The following CYP2A13 variants were observed in gnomAD, a reference collection of about 807,000 sequenced individuals.
CYP2A13 encodes cytochrome P450 family 2 subfamily A member 13.
Under a neutral mutation model 39.4 loss-of-function variants are expected in CYP2A13, and 30 were observed. The ratio of observed to expected loss-of-function variants is 0.76; its 90% CI spans 0.57 to 1.03. The LOEUF (loss-of-function observed/expected upper bound fraction) is 1.03. Among genes scored for constraint, CYP2A13 ranks in the 50% least tolerant of loss-of-function variants. The probability of loss-of-function intolerance (pLI) is 0.00; values close to 1 mark genes in which losing one functional copy is unlikely to be tolerated. For synonymous variants in CYP2A13, 269 were observed against 254.7 expected (o/e 1.06, Z -0.54); for missense variants, 731 against 648.4 (o/e 1.13, Z -1.38).
At chr19:41,090,621 T>G (rs2031169435) in intron 4 of CYP2A13, 57 bp downstream of exon 4, 2 of 1,611,114 alleles carry the variant, frequency 1.2e-6, no homozygotes, top group Non-Finnish European at 1.7e-6. Context: ...ACTGCTCCCC[T>G]ACCTGGAGAC....
In CYP2A13 at chr19:41,094,225, A is replaced by G. The variant is rs2031250408; in HGVS notation, c.974-20A>G. 1 of 1,613,016 alleles carries G rather than the reference A, an allele frequency of 6.2e-7. No homozygotes were observed. The highest frequency in any genetic ancestry group is 1.7e-5 in the Admixed American group (1 of 59,910). On this transcript the variant is annotated intron_variant, in intron 6 of 8. Transcript: ENST00000330436. The stretch of plus-strand genomic sequence containing the variant: ...CTCTAAGACCCCTAGACACCTAAAC[A>G]CATTCCCCTCCTCCCCCAGCCAAGG...
Position 41,095,902 on chromosome 19 carries a change from G to T in CYP2A13, c.1446G>T (p.Thr482=). ...DVSPKHVGFA[T]IPRNYTMSFL... ...CCCCCAAACACGTGGGCTTTGCCAC[G>T]ATCCCACGAAACTACACCATGAGCT... is the stretch of plus-strand genomic sequence containing the variant. Residue 482 remains threonine, a synonymous_variant, in exon 9 of 9, where the codon ACG becomes ACT. Transcript: ENST00000330436. The T allele has an allele frequency of 6.2e-7, 1 of 1,613,638 alleles. No individual in the cohort carries two copies.
rs2144724682 is a variant in CYP2A13, at chr19:41,090,364, T to G, written c.494-40T>G. 5 of 1,613,100 alleles carry G rather than the reference T, an allele frequency of 3.1e-6. No homozygotes were observed. The South Asian group carries it at 3.3e-5, about 11-fold the overall frequency. Reference sequence around the variant, plus strand: ...TCTGACTCTCCTCAGACCTCTGAGTTGACTCTCTCCCCAACCCCCTTCTCC... The same window carrying G: ...TCTGACTCTCCTCAGACCTCTGAGTGGACTCTCTCCCCAACCCCCTTCTCC... On this transcript the variant is annotated intron_variant, in intron 3 of 8. Coordinates refer to ENST00000330436, the MANE Select transcript of CYP2A13 (RefSeq NM_000766.5).
In CYP2A13 at chr19:41,088,929, A is replaced by C. The variant is rs747659312; in HGVS notation, c.181A>C (p.Ile61Leu). ...AACCACTCCCACCTGCCTCCAACAG[A>C]TCAGTGAGCGCTATGGCCCTGTGTT... ...TEQMYNSLMKISERYGPVFTI... is the reference protein window; with the variant it reads ...TEQMYNSLMKLSERYGPVFTI... Residue 61 changes from isoleucine to leucine, a missense_variant and splice_region_variant, in exon 2 of 9, where the codon ATC (isoleucine) becomes CTC (leucine). Coordinates refer to ENST00000330436, the MANE Select transcript of CYP2A13 (RefSeq NM_000766.5). 6.2e-7 allele frequency: 1 copy of C among 1,613,946 alleles called. No individual in the cohort carries two copies. The highest frequency in any genetic ancestry group is 1.1e-5 in the South Asian group (1 of 91,062).
At chr19:41,091,563 C>T (rs189431203) in intron 4 of CYP2A13, among the ~76,000 whole-genome samples, 169 bp from the exon 5 acceptor site, 11 of 152,306 alleles carry the variant, frequency 7.2e-5, no homozygotes, top group South Asian at 2.1e-4. Flanking sequence ...ACCTAATCCA[C>T]GTGAAAACTT....
intron 7 of CYP2A13, among the ~76,000 whole-genome samples, chr19:41,094,721 A>T (rs1049949655): frequency 6.6e-5 from 10 of 151,980 alleles, no homozygotes; most frequent in African/African-American, 2.4e-4. Flanking sequence ...TTAGGGACAC[A>T]AATCTCAGGT....
At position 41,095,838 on chromosome 19, in the gene CYP2A13, G is replaced by T; in HGVS notation, c.1382G>T (p.Arg461Leu). The T allele has an allele frequency of 2.5e-6, 4 of 1,614,044 alleles. No individual in the cohort carries two copies. The South Asian group carries it at 4.4e-5, about 18-fold the overall frequency. The change falls in exon 9 of 9, where the codon CGC (arginine) becomes CTC (leucine). Residue 461 changes from arginine to leucine, a missense_variant. Physicochemically the swap from Arg to Leu is moderately radical, Grantham distance 102. Transcript: ENST00000330436. ...TTCACCACCATCATGCAGAACTTTC[G>T]CTTCAAGTCCCCTCAGTCGCCTAAG... ...LFFTTIMQNFRFKSPQSPKDI... is the reference protein window; with the variant it reads ...LFFTTIMQNFLFKSPQSPKDI...
intron 5 of CYP2A13, 149 bp from the exon 6 acceptor site, chr19:41,093,481 G>C (rs779143255): frequency 1.2e-6 from 1 of 856,034 alleles, no homozygotes; most frequent in Non-Finnish European, 1.8e-6. Flanking sequence ...CCAGGGCAAG[G>C]GCTGGAACCT....
In CYP2A13 at chr19:41,090,033, G is replaced by A; in HGVS notation, c.344-14G>A. The A allele has an allele frequency of 6.2e-7, 1 of 1,610,028 alleles. No homozygotes were observed. The highest frequency in any genetic ancestry group is 8.5e-7 in the Non-Finnish European group (1 of 1,178,630). On this transcript the variant is annotated splice_polypyrimidine_tract_variant and intron_variant, in intron 2 of 8. Coordinates refer to ENST00000330436, the MANE Select transcript of CYP2A13 (RefSeq NM_000766.5). ...CCCCCTGACCTCTCTCCACCCCCGC[G>A]TTCACCTCCCCAGGCGTGGCGTTCA...
Position 41,094,233 on chromosome 19 carries a change from C to A in CYP2A13, c.974-12C>A. 1.9e-6 allele frequency: 3 copies of A among 1,613,534 alleles called. No individual in the cohort carries two copies. In the South Asian group the frequency reaches 3.3e-5, roughly 18 times the overall value. Reference sequence around the variant, plus strand: ...CCCCTAGACACCTAAACACATTCCCCTCCTCCCCCAGCCAAGGTCCATGAG... The same window carrying A: ...CCCCTAGACACCTAAACACATTCCCATCCTCCCCCAGCCAAGGTCCATGAG... On this transcript the variant is annotated splice_polypyrimidine_tract_variant and intron_variant, in intron 6 of 8. Coordinates refer to ENST00000330436, the MANE Select transcript of CYP2A13 (RefSeq NM_000766.5).
Position 41,088,957 on chromosome 19 carries a change from C to T in CYP2A13, c.209C>T (p.Thr70Ile), listed in dbSNP as rs752624803. Residue 70 changes from threonine to isoleucine, a missense_variant, in exon 2 of 9, where the codon ACC becomes ATC. Thr to Ile is a moderately conservative substitution (Grantham distance 89). Coordinates refer to ENST00000330436, the MANE Select transcript of CYP2A13 (RefSeq NM_000766.5). The stretch of plus-strand genomic sequence containing the variant: ...AGTGAGCGCTATGGCCCTGTGTTCA[C>T]CATTCACTTGGGGCCCCGGCGGGTC... The part of the protein sequence containing the change: ...KISERYGPVF[T>I]IHLGPRRVVV... 9 of 1,613,916 alleles carry T rather than the reference C, an allele frequency of 5.6e-6. No individual in the cohort carries two copies. In the African/African-American group the frequency reaches 1.1e-4, roughly 19 times the overall value.
chr19:41,089,810 CTCTCTCTCTCTCTCT>C (rs2031131261), intron 2 of CYP2A13, among the ~76,000 whole-genome samples: 2 of 3,860 alleles, frequency 5.2e-4, no homozygotes. Context: ...CCCGGTCTCT[CTCTCTCTCTCTCTCT>C]CTCTCTCTCT....
In CYP2A13 at chr19:41,093,789, G is replaced by C; in HGVS notation, c.973+18G>C. 2 of 1,613,268 alleles carry C rather than the reference G, an allele frequency of 1.2e-6. No homozygotes were observed. Among genetic ancestry groups the C allele is most frequent in the Non-Finnish European group, 1.7e-6 (2 of 1,179,540 alleles). ...GGTGGAGGGTAAGACTGGAAAGGGA[G>C]GAAAGTGAAGGGCCCCAGACCCTCA... On this transcript the variant is annotated intron_variant, in intron 6 of 8. Coordinates refer to ENST00000330436, the MANE Select transcript of CYP2A13 (RefSeq NM_000766.5).
In CYP2A13 at chr19:41,095,901, C is replaced by T. The variant is rs1181968603; in HGVS notation, c.1445C>T (p.Thr482Met). 3.7e-6 allele frequency: 6 copies of T among 1,613,812 alleles called. No individual in the cohort carries two copies. Among genetic ancestry groups the T allele is most frequent in the Non-Finnish European group, 4.2e-6 (5 of 1,179,920 alleles). Residue 482 changes from threonine (T) to methionine (M), a missense_variant, in exon 9 of 9, where the codon ACG becomes ATG. Transcript: ENST00000330436. ...TCCCCCAAACACGTGGGCTTTGCCA[C>T]GATCCCACGAAACTACACCATGAGC... ...DVSPKHVGFA[T>M]IPRNYTMSFL...
At position 41,088,555 on chromosome 19, in the gene CYP2A13, G is replaced by A. The variant is rs532858701; in HGVS notation, c.84G>A (p.Lys28=). 1 of 1,614,018 alleles carries A rather than the reference G, an allele frequency of 6.2e-7. No homozygotes were observed. The highest frequency in any genetic ancestry group is 8.5e-7 in the Non-Finnish European group (1 of 1,179,896). ...TGATGTCAGTCTGGCGGCAGAGGAA[G>A]AGCAGGGGGAAGCTGCCTCCGGGAC... The part of the protein sequence containing the change: ...MVLMSVWRQR[K]SRGKLPPGPT... The change falls in exon 1 of 9, where the codon AAG becomes AAA. Residue 28 remains lysine (K), a synonymous_variant. Coordinates refer to ENST00000330436, the MANE Select transcript of CYP2A13 (RefSeq NM_000766.5).
intron 4 of CYP2A13, among the ~76,000 whole-genome samples, chr19:41,091,370 G>T (rs1422758713): frequency 6.6e-6 from 1 of 152,174 alleles, no homozygotes; most frequent in African/African-American, 2.4e-5. Context: ...CTAGACAGGT[G>T]CCACTCACCT....
In CYP2A13 at chr19:41,090,137, T is replaced by C. The variant is rs2031152688; in HGVS notation, c.434T>C (p.Ile145Thr). ...GGTTTTGGCGTGGGCAAGCGCGGCA[T>C]CGAGGAACGCATCCAGGAGGAGGCG... is the stretch of plus-strand genomic sequence containing the variant. ...LRGFGVGKRG[I>T]EERIQEEAGF... Residue 145 changes from isoleucine to threonine, a missense_variant, in exon 3 of 9, where the codon ATC (isoleucine) becomes ACC (threonine). Physicochemically the swap from Ile to Thr is moderately conservative, Grantham distance 89. Transcript: ENST00000330436. The C allele has an allele frequency of 6.2e-7, 1 of 1,605,888 alleles. No homozygotes were observed. Among genetic ancestry groups the C allele is most frequent in the Non-Finnish European group, 8.5e-7 (1 of 1,175,526 alleles).
At chr19:41,089,945 C>T in intron 2 of CYP2A13, 102 bp from the exon 3 acceptor site, 1 of 1,395,256 alleles carries the variant, frequency 7.2e-7, no homozygotes, top group Non-Finnish European at 9.4e-7. Context: ...CTCTCCCACC[C>T]CACTCCCTCT....
chr19:41,095,688 C>CG (rs1005246973), intron 8 of CYP2A13, 72 bp from the exon 9 acceptor site: 1 of 1,577,880 alleles, frequency 6.3e-7, no homozygotes, highest in African/African-American at 1.3e-5. Context: ...AGAGTGCAGC[C>CG]GGGGGTCAGT....
Sources: gnomAD v4.1 joint callset for allele counts (sites outside exome capture counted in the v4.1 genomes callset) on GRCh38, gnomAD v4.1.1 for gene constraint, MANE v1.5 for transcripts, NCBI Gene and HGNC (gene_info 2026-07-23, HGNC 2026-07-21) for gene names.